CTNNA3: variants seen among roughly 807,000 people sequenced by gnomAD.
CTNNA3 encodes the protein catenin alpha-3.
In CTNNA3, 76 loss-of-function variants were observed where a neutral mutation model predicts 95.7. The observed-to-expected ratio is 0.79, with a 90% CI of 0.66 to 0.96. CTNNA3 has a LOEUF of 0.96. Ranked by LOEUF, CTNNA3 falls within the 40% of genes least tolerant of loss-of-function variation. The pLI is 0.00. For missense variants in CTNNA3, 1,191 were observed against 1,089.8 expected, an observed-to-expected ratio of 1.09 and a Z score of -1.31; for synonymous variants, 431 against 374.4, an observed-to-expected ratio of 1.15 and a Z score of -1.74.
chr10:67,097,622 A>T (rs758018071), intron 7 of CTNNA3: 3 of 1,612,552 alleles, frequency 1.9e-6, no homozygotes, highest in Non-Finnish European at 2.5e-6. Context: ...CCTTTCTGGC[A>T]TACGACCAGC....
chr10:67,499,809 G>T (rs965680648), intron 5 of CTNNA3, among the ~76,000 whole-genome samples: 10 of 151,976 alleles, frequency 6.6e-5, no homozygotes, highest in Non-Finnish European at 7.4e-5. Flanking sequence ...GTGTCTATTT[G>T]ATTCTTCTCT....
At chr10:66,364,929 C>A (rs1316358824) in intron 12 of CTNNA3, among the ~76,000 whole-genome samples, 1 of 152,170 alleles carries the variant, frequency 6.6e-6, no homozygotes, top group Admixed American at 6.5e-5. Context: ...AGGATTTCCT[C>A]TTCCACAGTA....
At chr10:66,797,283 C>A (rs1156888375) in intron 7 of CTNNA3, among the ~76,000 whole-genome samples, 1 of 151,700 alleles carries the variant, frequency 6.6e-6, no homozygotes, top group East Asian at 1.9e-4. Flanking sequence ...GTGCAAAATA[C>A]CTTCAGCTAG....
intron 13 of CTNNA3, among the ~76,000 whole-genome samples, chr10:66,131,754 T>G (rs561895009): frequency 4.3e-4 from 66 of 152,196 alleles, no homozygotes; most frequent in Admixed American, 9.2e-4. Context: ...GCCGCACATC[T>G]ACAATCATCT....
intron 5 of CTNNA3, among the ~76,000 whole-genome samples, chr10:67,347,884 C>T (rs1842492857): frequency 1.3e-5 from 2 of 150,578 alleles, no homozygotes; most frequent in African/African-American, 2.4e-5. Flanking sequence ...TTCTCTTCCA[C>T]ATTCTGTGGC....
chr10:67,717,272 C>T (rs552553982), intron 1 of CTNNA3, among the ~76,000 whole-genome samples: 1 of 151,934 alleles, frequency 6.6e-6, no homozygotes, highest in Admixed American at 6.6e-5. Context: ...TAGGTTGCCT[C>T]TTCCCTCTGA....
At chr10:66,197,300 G>A (rs529279171) in intron 13 of CTNNA3, among the ~76,000 whole-genome samples, 2 of 152,158 alleles carry the variant, frequency 1.3e-5, no homozygotes, top group South Asian at 4.1e-4. Context: ...AAACTCTGAT[G>A]TATAAAACAA....
intron 4 of CTNNA3, among the ~76,000 whole-genome samples, chr10:67,528,992 A>T (rs990328907): frequency 1.3e-4 from 20 of 152,336 alleles, no homozygotes; most frequent in African/African-American, 4.8e-4. Context: ...AATTATATAC[A>T]TGAAAATTGC....
intron 6 of CTNNA3, among the ~76,000 whole-genome samples, chr10:67,187,065 T>C (rs1217268676): frequency 6.6e-6 from 1 of 152,122 alleles, no homozygotes; most frequent in Non-Finnish European, 1.5e-5. Flanking sequence ...GATTAATAAA[T>C]TTATTCCTTA....
At chr10:67,572,378 GCAACAGGT>G (rs1477536214) in intron 3 of CTNNA3, among the ~76,000 whole-genome samples, 2 of 152,074 alleles carry the variant, frequency 1.3e-5, no homozygotes, top group Non-Finnish European at 2.9e-5. Flanking sequence ...TCCCCTTAAG[GCAACAGGT>G]CAGTCTTTTG....
chr10:66,723,653 C>A (rs144120910), intron 9 of CTNNA3, among the ~76,000 whole-genome samples: 2 of 152,160 alleles, frequency 1.3e-5, no homozygotes, highest in Non-Finnish European at 2.9e-5. Context: ...TACCAGAAAA[C>A]AACAGCATCA....
At chr10:66,856,003 G>A (rs12767613) in intron 7 of CTNNA3, among the ~76,000 whole-genome samples, 18,050 of 151,794 alleles carry the variant, frequency 0.12, 1,280 homozygotes, top group African/African-American at 0.18. Context: ...ATGCTTCAGG[G>A]GTTTGGTGTA....
At chr10:66,146,148 G>A (rs1014758975) in intron 13 of CTNNA3, among the ~76,000 whole-genome samples, 2 of 152,100 alleles carry the variant, frequency 1.3e-5, no homozygotes, top group African/African-American at 4.8e-5. Context: ...CACCGTGCCC[G>A]GCCGAAGTGG....
intron 9 of CTNNA3, among the ~76,000 whole-genome samples, chr10:66,709,064 A>G (rs1278705169): frequency 6.6e-6 from 1 of 152,136 alleles, no homozygotes; most frequent in African/African-American, 2.4e-5. Context: ...AGGATCTGGC[A>G]TTTGCACTCT....
intron 17 of CTNNA3, among the ~76,000 whole-genome samples, chr10:65,935,505 T>G (rs2133159374): frequency 6.6e-6 from 1 of 152,304 alleles, no homozygotes; most frequent in Middle Eastern, 3.4e-3. Context: ...TTGAAAAGAC[T>G]GGTTTTTATT....
intron 5 of CTNNA3, among the ~76,000 whole-genome samples, chr10:67,465,302 C>A (rs1335313852): frequency 6.6e-6 from 1 of 151,918 alleles, no homozygotes; most frequent in Non-Finnish European, 1.5e-5. Context: ...CCTTAATCGC[C>A]CAACTCAAAA....
intron 5 of CTNNA3, among the ~76,000 whole-genome samples, chr10:67,244,803 A>G (rs1865849248): frequency 6.6e-6 from 1 of 152,204 alleles, no homozygotes; most frequent in African/African-American, 2.4e-5. Flanking sequence ...TTGGCTTGCT[A>G]GTAGGCATCT....
At chr10:67,738,378 A>G (rs965858113) in intron 1 of CTNNA3, among the ~76,000 whole-genome samples, 2 of 152,238 alleles carry the variant, frequency 1.3e-5, no homozygotes, top group Non-Finnish European at 1.5e-5. Flanking sequence ...AAGAAAAACT[A>G]ACAAACAGAA....
chr10:67,172,776 C>A, intron 7 of CTNNA3, among the ~76,000 whole-genome samples: 1 of 152,060 alleles, frequency 6.6e-6, no homozygotes, highest in Admixed American at 6.6e-5. Context: ...GAGTTCAAGA[C>A]CAGCTTGGCC....
Sources: allele counts gnomAD v4.1 joint callset (sites outside exome capture counted in the v4.1 genomes callset), GRCh38; gene constraint gnomAD v4.1.1; transcripts MANE v1.5; gene names NCBI Gene and HGNC (gene_info 2026-07-23, HGNC 2026-07-21).